Variants in GNAL observed in about 807,000 individuals in gnomAD.
The protein encoded by GNAL is G protein subunit alpha L.
In GNAL, 18 loss-of-function variants were observed where a neutral mutation model predicts 55.1. That is an observed-to-expected ratio of 0.33 (90% confidence interval 0.23 to 0.48). GNAL has a LOEUF of 0.48. Among genes scored for constraint, GNAL ranks in the 20% least tolerant of loss-of-function variants. GNAL has a pLI of 0.99. For missense variants in GNAL, 412 were observed against 614.1 expected, an observed-to-expected ratio of 0.67 and a Z score of 3.48; for synonymous variants, 253 against 237.0, an observed-to-expected ratio of 1.07 and a Z score of -0.62.
intron 5 of GNAL, among the ~76,000 whole-genome samples, chr18:11,848,759 CA>C (rs138601668): frequency 0.056 from 8,577 of 152,108 alleles, 387 homozygotes; most frequent in African/African-American, 0.12. Context: ...GCCCAGTCAA[CA>C]ACCACACTTT....
At chr18:11,807,858 T>C (rs112696637) in intron 4 of GNAL, among the ~76,000 whole-genome samples, 1 of 152,006 alleles carries the variant, frequency 6.6e-6, no homozygotes, top group African/African-American at 2.4e-5. Context: ...GGCCATGATG[T>C]CTTGAAGGCC....
chr18:11,879,209 G>A (rs1232277448), intron 11 of GNAL, among the ~76,000 whole-genome samples: 1 of 151,430 alleles, frequency 6.6e-6, no homozygotes. Context: ...GCTAAAATAG[G>A]TCTATCCCCG....
intron 5 of GNAL, among the ~76,000 whole-genome samples, chr18:11,831,031 A>G (rs551405450): frequency 5.6e-4 from 85 of 152,336 alleles, no homozygotes; most frequent in African/African-American, 2.0e-3. Flanking sequence ...CTTTGGGATA[A>G]TGAGCAAGTT....
chr18:11,868,683 C>G lies in GNAL; in HGVS notation c.1031+20C>G. 1 of 1,595,224 alleles carries G rather than the reference C, an allele frequency of 6.3e-7. No homozygotes were observed. The highest frequency in any genetic ancestry group is 1.4e-5 in the African/African-American group (1 of 73,894). On this transcript the variant is annotated intron_variant, in intron 9 of 11. Coordinates refer to ENST00000334049, the MANE Select transcript of GNAL (RefSeq NM_182978.4). The surrounding 1 kb of genome is among the most constrained non-coding windows in gnomAD (Gnocchi z 4.0). The stretch of plus-strand genomic sequence containing the variant: ...CAACAGGTGACAAAAATAGCAAATT[C>G]AGTCTTACCATTGGATTGCAAATTT...
chr18:11,876,992 T>G (rs1173859600), intron 11 of GNAL, among the ~76,000 whole-genome samples: 1 of 152,192 alleles, frequency 6.6e-6, no homozygotes, highest in Non-Finnish European at 1.5e-5. Flanking sequence ...GACAGCGTCC[T>G]TCAGCAGAGT....
At chr18:11,819,209 T>C (rs2035032847) in intron 4 of GNAL, among the ~76,000 whole-genome samples, 1 of 151,428 alleles carries the variant, frequency 6.6e-6, no homozygotes, top group Non-Finnish European at 1.5e-5. Context: ...TGTCATCTGT[T>C]TGTTTGCATT....
At chr18:11,761,416 G>GACC (rs1040486530) in intron 4 of GNAL, among the ~76,000 whole-genome samples, 7 of 152,280 alleles carry the variant, frequency 4.6e-5, no homozygotes, top group Admixed American at 3.9e-4. Flanking sequence ...GGTTACCATG[G>GACC]ACCTCCCTTC....
At chr18:11,788,577 T>C (rs1439880559) in intron 4 of GNAL, among the ~76,000 whole-genome samples, 1 of 151,972 alleles carries the variant, frequency 6.6e-6, no homozygotes, top group Non-Finnish European at 1.5e-5. Flanking sequence ...TTATTAAAAA[T>C]ATTGACAGTG....
chr18:11,883,266 A>AAAT lies in GNAL; in HGVS notation c.*2136_*2138dup, dbSNP rs1567912373. The AAAT allele has an allele frequency of 6.6e-6, 1 of 152,242 alleles. No individual in the cohort carries two copies. The highest frequency in any genetic ancestry group is 1.5e-5 in the Non-Finnish European group (1 of 68,036). The allele number at this position is 152,242 out of a possible 1,614,324, so 9.4% of individuals were successfully genotyped here. On this transcript the variant is annotated 3_prime_UTR_variant, in exon 12 of 12. Transcript: ENST00000334049. ...ATAAAGCCCTCAGCTGAACTAAGAT[A>AAAT]AATAATACAATGGAAATTATTTTCA...
At chr18:11,866,190 T>C (rs1219223870) in intron 7 of GNAL, among the ~76,000 whole-genome samples, 1 of 150,270 alleles carries the variant, frequency 6.7e-6, no homozygotes, top group Non-Finnish European at 1.5e-5. Flanking sequence ...ACAATGAAGC[T>C]GTATCTCACA....
chr18:11,858,476 T>G (rs2036059040), intron 5 of GNAL, among the ~76,000 whole-genome samples: 1 of 152,188 alleles, frequency 6.6e-6, no homozygotes, highest in Non-Finnish European at 1.5e-5. Context: ...TAAAATGTAA[T>G]CATATGCAAA....
chr18:11,701,796 G>C lies in GNAL; in HGVS notation c.376+11857G>C, dbSNP rs148318943. 5.9e-5 allele frequency among the ~76,000 whole-genome samples: 9 copies of C among 152,276 alleles called. No homozygotes were observed. In the East Asian group the frequency reaches 1.7e-3, roughly 29 times the overall value. On this transcript the variant is annotated intron_variant, in intron 1 of 11. Transcript: ENST00000334049. ...AGATGAAGAAAGTTTGAGCAACAGT[G>C]TGCAGTGTTATCAAACGGGAAGGAG...
chr18:11,715,287 G>A (rs1442990911), intron 1 of GNAL, among the ~76,000 whole-genome samples: 2 of 151,472 alleles, frequency 1.3e-5, no homozygotes, highest in African/African-American at 4.9e-5. Context: ...GTGAAACCCT[G>A]TCTCTACTAA....
chr18:11,765,443 AT>A (rs1313115679), intron 4 of GNAL, among the ~76,000 whole-genome samples: 1 of 152,210 alleles, frequency 6.6e-6, no homozygotes, highest in Non-Finnish European at 1.5e-5. Context: ...TCCTCTAGGT[AT>A]TTTGAAATAT....
chr18:11,825,879 A>G (rs2035231193), intron 5 of GNAL, among the ~76,000 whole-genome samples: 1 of 152,180 alleles, frequency 6.6e-6, no homozygotes, highest in South Asian at 2.1e-4. Context: ...ACAATGTTAA[A>G]TTATTAAGAA....
rs773890525 is a variant in GNAL at position 11,881,164 on chromosome 18, G to A, written c.*29G>A. The A allele has an allele frequency of 4.6e-5, 72 of 1,579,686 alleles. No individual in the cohort carries two copies. The East Asian group carries it at 7.4e-4, about 16-fold the overall frequency. ...TGCTGCCGCCACCCTGCGACGGAGC[G>A]GCGCCCCGGACTGCCTGACTGCCAG... On this transcript the variant is annotated 3_prime_UTR_variant, in exon 12 of 12. Coordinates refer to ENST00000334049, the MANE Select transcript of GNAL (RefSeq NM_182978.4). This position sits in a 1 kb window ranked among gnomAD's most constrained non-coding sequence, Gnocchi z 4.8.
At chr18:11,764,580 G>A (rs867099394) in intron 4 of GNAL, among the ~76,000 whole-genome samples, 18 of 152,224 alleles carry the variant, frequency 1.2e-4, no homozygotes, top group Admixed American at 2.6e-4. Context: ...GCCCAGGCGG[G>A]TGGATCACTT....
At chr18:11,700,494 C>A (rs1295256216) in intron 1 of GNAL, among the ~76,000 whole-genome samples, 1 of 152,212 alleles carries the variant, frequency 6.6e-6, no homozygotes, top group Non-Finnish European at 1.5e-5. Context: ...AGGATTGTTG[C>A]CCAGCTGTTA....
At chr18:11,716,199 G>A (rs1239584918) in intron 1 of GNAL, among the ~76,000 whole-genome samples, 1 of 152,132 alleles carries the variant, frequency 6.6e-6, no homozygotes, top group African/African-American at 2.4e-5. Context: ...GGAATTGGTG[G>A]GTTCTTGGTC....
Sources: allele counts gnomAD v4.1 joint callset (sites outside exome capture counted in the v4.1 genomes callset), GRCh38; gene constraint gnomAD v4.1.1; non-coding constraint Gnocchi (gnomAD v3.1); transcripts MANE v1.5; gene names NCBI Gene and HGNC (gene_info 2026-07-23, HGNC 2026-07-21).